The following FREM3 variants were observed in gnomAD, a reference collection of about 807,000 sequenced individuals.
The protein encoded by FREM3 is FRAS1 related extracellular matrix 3.
In FREM3, 105 loss-of-function variants were observed where a neutral mutation model predicts 129.1. The ratio of observed to expected loss-of-function variants is 0.81; its 90% CI spans 0.69 to 0.96. The LOEUF (loss-of-function observed/expected upper bound fraction) is 0.96, where lower values mean the gene tolerates loss of function less well. Among genes scored for constraint, FREM3 ranks in the 40% least tolerant of loss-of-function variants. The pLI is 0.00. For synonymous variants in FREM3, 1,014 were observed against 1,044.9 expected, an observed-to-expected ratio of 0.97 and a Z score of 0.57; for missense variants, 2,593 against 2,666.3, an observed-to-expected ratio of 0.97 and a Z score of 0.61.
chr4:143,695,022 G>A (rs529321403), intron 1 of FREM3, among the ~76,000 whole-genome samples: 20 of 152,188 alleles, frequency 1.3e-4, no homozygotes, highest in African/African-American at 4.3e-4. Context: ...TTTATTAGAC[G>A]TAGAAATTAC....
At chr4:143,628,148 T>C (rs944777607) in intron 2 of FREM3, among the ~76,000 whole-genome samples, 2 of 152,112 alleles carry the variant, frequency 1.3e-5, no homozygotes, top group African/African-American at 4.8e-5. Flanking sequence ...CCTTACTTAC[T>C]CCTTTATATT....
At chr4:143,620,111 A>G (rs1039180742) in intron 5 of FREM3, among the ~76,000 whole-genome samples, 1 of 152,200 alleles carries the variant, frequency 6.6e-6, no homozygotes, top group East Asian at 1.9e-4. Flanking sequence ...GACTTACTAA[A>G]TAACTGCCAG....
intron 2 of FREM3, among the ~76,000 whole-genome samples, chr4:143,663,886 A>C (rs1456203409): frequency 6.6e-6 from 1 of 151,976 alleles, no homozygotes; most frequent in Non-Finnish European, 1.5e-5. Context: ...TCGGCTCCTG[A>C]GGCTTCTGCA....
intron 2 of FREM3, among the ~76,000 whole-genome samples, chr4:143,687,675 G>T (rs1392813691): frequency 6.6e-6 from 1 of 151,966 alleles, no homozygotes; most frequent in African/African-American, 2.4e-5. Flanking sequence ...TGATCAAGTG[G>T]GTTTCATATC....
chr4:143,623,648 A>C (rs1452325410), intron 4 of FREM3, among the ~76,000 whole-genome samples: 1 of 152,160 alleles, frequency 6.6e-6, no homozygotes, highest in Non-Finnish European at 1.5e-5. Flanking sequence ...AATGAATTCA[A>C]GGATATTATG....
intron 2 of FREM3, among the ~76,000 whole-genome samples, chr4:143,669,455 A>ATT (rs1160541264): frequency 6.8e-6 from 1 of 146,770 alleles, no homozygotes; most frequent in African/African-American, 2.5e-5. Context: ...GTTTAAAACA[A>ATT]TTTTTTTTTT....
chr4:143,699,508 G>A lies in FREM3; in HGVS notation c.1168C>T (p.Gln390Ter). 6.5e-7 allele frequency: 1 copy of A among 1,537,316 alleles called. No homozygotes were observed. Among genetic ancestry groups the A allele is most frequent in the Non-Finnish European group, 8.7e-7 (1 of 1,146,934 alleles). Residue 390 changes from glutamine (Q) to a stop codon, truncating the protein, a stop_gained, in exon 1 of 8, where the codon CAG (glutamine) becomes TAG (stop). Coordinates refer to ENST00000329798, the MANE Select transcript of FREM3 (RefSeq NM_001168235.2). LOFTEE classifies it high-confidence loss of function. The surrounding 1 kb of genome is among the most constrained non-coding windows in gnomAD (Gnocchi z 4.2). ...QELRELKIAYQPPAENSHGER... is the reference protein window; with the variant it reads ...QELRELKIAY ...CCATGGGAGTTCTCTGCAGGGGGCTGATAGGCAATCTTCAGCTCCCTCAGC... is the reference window on the plus strand; with the variant it reads ...CCATGGGAGTTCTCTGCAGGGGGCTAATAGGCAATCTTCAGCTCCCTCAGC...
chr4:143,627,824 A>T (rs1444563542), intron 2 of FREM3, 64 bp from the exon 3 acceptor site: 5 of 1,075,758 alleles, frequency 4.6e-6, no homozygotes, highest in Non-Finnish European at 6.7e-6. Flanking sequence ...TCAATGATCA[A>T]TGTGTGCATT....
intron 2 of FREM3, among the ~76,000 whole-genome samples, chr4:143,653,946 AG>A (rs1047866143): frequency 1.3e-5 from 2 of 152,160 alleles, no homozygotes; most frequent in African/African-American, 2.4e-5. Context: ...ATGAGAAAAA[AG>A]TTTTTTAAAT....
chr4:143,699,661 G>T lies in FREM3; in HGVS notation c.1015C>A (p.Pro339Thr). The change falls in exon 1 of 8, where the codon CCT becomes ACT. Residue 339 changes from proline to threonine, a missense_variant. Physicochemically the swap from Pro to Thr is conservative, Grantham distance 38. Around this residue, in one of 2 missense-constraint regions of FREM3, gnomAD observed 2,276 missense variants for 2,267.2 expected, o/e 1.00. Coordinates refer to ENST00000329798, the MANE Select transcript of FREM3 (RefSeq NM_001168235.2). The surrounding 1 kb of genome is among the most constrained non-coding windows in gnomAD (Gnocchi z 4.2). ...ALAAEDVESD[P>T]GDLVFNILNA... ...AGAATGTTGAACACCAGGTCACCAG[G>T]GTCTGACTCGACGTCCTCCGCGGCC... 6.5e-7 allele frequency: 1 copy of T among 1,529,564 alleles called. No individual in the cohort carries two copies. Among genetic ancestry groups the T allele is most frequent in the Non-Finnish European group, 8.8e-7 (1 of 1,142,354 alleles). The allele number at this position is 1,529,564 out of a possible 1,614,324, so 94.7% of individuals were successfully genotyped here. A position where few individuals can be genotyped will look rare whatever the true frequency, so the allele number is the denominator to read the frequency against.
intron 2 of FREM3, among the ~76,000 whole-genome samples, chr4:143,660,491 G>T (rs1739690846): frequency 6.6e-6 from 1 of 152,192 alleles, no homozygotes; most frequent in Admixed American, 6.5e-5. Flanking sequence ...CTGTAGCCTT[G>T]TAGTATAGTT....
chr4:143,700,433 C>T lies in FREM3; in HGVS notation c.243G>A (p.Pro81=), dbSNP rs1165199413. Reference sequence around the variant, plus strand: ...GCACTCCAATCACCAGATCCCGGAGCGGGTCGAGCCAAAGGGAACGACCCA... The same window carrying T: ...GCACTCCAATCACCAGATCCCGGAGTGGGTCGAGCCAAAGGGAACGACCCA... The part of the protein sequence containing the change: ...VPLGRSLWLD[P]LRDLVIGVQP... The change falls in exon 1 of 8, where the codon CCG becomes CCA. Residue 81 remains proline, a synonymous_variant. Coordinates refer to ENST00000329798, the MANE Select transcript of FREM3 (RefSeq NM_001168235.2). 4.6e-6 allele frequency: 7 copies of T among 1,528,442 alleles called. No homozygotes were observed. Among genetic ancestry groups the T allele is most frequent in the African/African-American group, 2.7e-5 (2 of 72,916 alleles). 94.7% of individuals were successfully genotyped at this position (1,528,442 alleles called of 1,614,324 possible).
chr4:143,649,599 G>A (rs1739476527), intron 2 of FREM3, among the ~76,000 whole-genome samples: 1 of 152,182 alleles, frequency 6.6e-6, no homozygotes, highest in African/African-American at 2.4e-5. Flanking sequence ...CTTCCTGGAA[G>A]AGTTGAAGAT....
At chr4:143,595,940 G>A (rs1738473681) in intron 6 of FREM3, among the ~76,000 whole-genome samples, 1 of 151,418 alleles carries the variant, frequency 6.6e-6, no homozygotes, top group Non-Finnish European at 1.5e-5. Flanking sequence ...AGGAGTCCTG[G>A]AGAAAATAAG....
chr4:143,591,413 G>T (rs902736846), intron 6 of FREM3, among the ~76,000 whole-genome samples: 1 of 152,220 alleles, frequency 6.6e-6, no homozygotes, highest in African/African-American at 2.4e-5. Flanking sequence ...TGCTTTGAAT[G>T]TGTCCCAGAG....
intron 2 of FREM3, among the ~76,000 whole-genome samples, chr4:143,689,834 A>G (rs1740433358): frequency 6.7e-6 from 1 of 149,350 alleles, no homozygotes; most frequent in South Asian, 2.2e-4. Context: ...CTAAGATATG[A>G]TGATGCAAAG....
Position 143,693,161 on chromosome 4 carries a change from C to T in FREM3, c.5227G>A (p.Gly1743Ser). Reference protein sequence around the residue: ...EMKISYVLNEGSNASKDIFYF... With the variant: ...EMKISYVLNESSNASKDIFYF... The stretch of plus-strand genomic sequence containing the variant: ...AAGATGTCCTTTGATGCGTTGCTGC[C>T]CTCATTCAAGACATAGGATATCTTC... The change falls in exon 2 of 8, where the codon GGC becomes AGC. Residue 1743 changes from glycine (G) to serine (S), a missense_variant. By Grantham distance (56) the Gly-to-Ser change is moderately conservative (BLOSUM62 0). Coordinates refer to ENST00000329798, the MANE Select transcript of FREM3 (RefSeq NM_001168235.2). The T allele has an allele frequency of 1.3e-6, 2 of 1,521,392 alleles. No homozygotes were observed. Among genetic ancestry groups the T allele is most frequent in the Non-Finnish European group, 8.8e-7 (1 of 1,138,268 alleles). 94.2% of individuals were successfully genotyped at this position (1,521,392 alleles called of 1,614,324 possible).
chr4:143,616,513 G>A (rs982038059), intron 5 of FREM3, among the ~76,000 whole-genome samples: 2 of 152,126 alleles, frequency 1.3e-5, no homozygotes, highest in Non-Finnish European at 2.9e-5. Context: ...TTGGCCGGGC[G>A]CAGTGGCTCA....
At position 143,588,762 on chromosome 4, in the gene FREM3, A is replaced by C. The variant is rs1414004841; in HGVS notation, c.6029-2769T>G. Among the ~76,000 whole-genome samples the C allele has an allele frequency of 1.1e-4, 16 of 151,462 alleles. No individual in the cohort carries two copies. In the East Asian group the frequency reaches 3.1e-3, roughly 29 times the overall value. ...ATATTCCTTTGGGTATATACCCAGT[A>C]ATGGGATGGCTGGGTCAAATGGTAT... On this transcript the variant is annotated intron_variant, in intron 6 of 7. Transcript: ENST00000329798.
Sources: allele counts gnomAD v4.1 joint callset (sites outside exome capture counted in the v4.1 genomes callset), GRCh38; gene constraint gnomAD v4.1.1; regional missense constraint gnomAD v4.1.1; non-coding constraint Gnocchi (gnomAD v3.1); transcripts MANE v1.5; gene names NCBI Gene and HGNC (gene_info 2026-07-23, HGNC 2026-07-21).